Variants in PIP5K1A observed in about 807,000 individuals in gnomAD.
PIP5K1A encodes phosphatidylinositol 4-phosphate 5-kinase type-1 alpha.
A neutral mutation model predicts 72.9 loss-of-function variants in PIP5K1A; 46 were observed. The observed-to-expected ratio is 0.63, with a 90% CI of 0.50 to 0.81. The LOEUF (loss-of-function observed/expected upper bound fraction) is 0.81, where lower values mean the gene tolerates loss of function less well. Among genes scored for constraint, PIP5K1A ranks in the 30% least tolerant of loss-of-function variants. PIP5K1A has a pLI of 0.00. For missense variants in PIP5K1A, 458 were observed against 706.1 expected, an observed-to-expected ratio of 0.65 and a Z score of 3.98; for synonymous variants, 228 against 255.1, an observed-to-expected ratio of 0.89 and a Z score of 1.01.
At chr1:151,239,856 A>T in intron 11 of PIP5K1A, 99 bp from the exon 12 acceptor site, 1 of 805,148 alleles carries the variant, frequency 1.2e-6, no homozygotes, top group Non-Finnish European at 2.1e-6. Flanking sequence ...TGTAGGTTTT[A>T]CCCTTCTGCT....
intron 14 of PIP5K1A, among the ~76,000 whole-genome samples, chr1:151,243,735 ATT>A (rs781196235): frequency 6.6e-6 from 1 of 152,004 alleles, no homozygotes; most frequent in Non-Finnish European, 1.5e-5. Flanking sequence ...AGTGGTCTCT[ATT>A]TTGTACTGTT....
intron 1 of PIP5K1A, among the ~76,000 whole-genome samples, chr1:151,214,352 G>GT (rs1015098468): frequency 1.3e-5 from 2 of 151,632 alleles, no homozygotes; most frequent in Non-Finnish European, 1.5e-5. Flanking sequence ...TTTTTGCTTT[G>GT]TTTTTTTCTG....
chr1:151,208,319 C>T (rs1029102747), intron 1 of PIP5K1A, among the ~76,000 whole-genome samples: 2 of 151,076 alleles, frequency 1.3e-5, no homozygotes, highest in African/African-American at 2.4e-5. Context: ...AGCTAAGAAA[C>T]AAAATTTAGC....
intron 3 of PIP5K1A, among the ~76,000 whole-genome samples, chr1:151,226,011 T>G (rs1319340505): frequency 6.6e-6 from 1 of 151,804 alleles, no homozygotes; most frequent in Non-Finnish European, 1.5e-5. Flanking sequence ...ACTCCTAGGC[T>G]CAAGTGATCT....
At chr1:151,218,831 CAAAAAA>C (rs5777767) in intron 1 of PIP5K1A, among the ~76,000 whole-genome samples, 4 of 70,516 alleles carry the variant, frequency 5.7e-5, no homozygotes, top group Non-Finnish European at 1.1e-4. Context: ...GACTCTGTCT[CAAAAAA>C]AAAAAAAAAA....
At chr1:151,226,543 C>T (rs756756263) in intron 3 of PIP5K1A, among the ~76,000 whole-genome samples, 10 of 151,556 alleles carry the variant, frequency 6.6e-5, no homozygotes, top group South Asian at 4.2e-4. Context: ...GAAACCCCAT[C>T]TCTACTAATA....
chr1:151,225,624 C>T (rs1254080593), intron 3 of PIP5K1A, among the ~76,000 whole-genome samples: 1 of 151,922 alleles, frequency 6.6e-6, no homozygotes, highest in Admixed American at 6.6e-5. Flanking sequence ...TGCACGCCAC[C>T]ATGCCCGCCT....
chr1:151,246,072 C>A (rs921780148), intron 14 of PIP5K1A, among the ~76,000 whole-genome samples: 4 of 152,016 alleles, frequency 2.6e-5, no homozygotes, highest in Non-Finnish European at 5.9e-5. Flanking sequence ...CATGATGAAA[C>A]CCCATCTGTA....
At chr1:151,217,277 G>A (rs1051989133) in intron 1 of PIP5K1A, among the ~76,000 whole-genome samples, 1 of 152,068 alleles carries the variant, frequency 6.6e-6, no homozygotes. Context: ...TTCTGTTTTT[G>A]GTTTTGTTTT....
At chr1:151,236,843 TA>T (rs1226658163) in intron 9 of PIP5K1A, 80 bp downstream of exon 9, 10 of 940,310 alleles carry the variant, frequency 1.1e-5, no homozygotes, top group African/African-American at 7.0e-5. Context: ...TTTTTTTTTT[TA>T]GTTTCACTCT....
At chr1:151,199,171 T>C (rs768016991) in intron 1 of PIP5K1A, 90 bp downstream of exon 1, 80 of 1,594,300 alleles carry the variant, frequency 5.0e-5, no homozygotes, top group Non-Finnish European at 6.4e-5. Context: ...TAGCTGGGAA[T>C]GTCCTACGTG....
At chr1:151,214,077 CAA>C (rs1358545849) in intron 1 of PIP5K1A, among the ~76,000 whole-genome samples, 1 of 151,858 alleles carries the variant, frequency 6.6e-6, no homozygotes, top group Non-Finnish European at 1.5e-5. Context: ...TTTTTCCACT[CAA>C]TATATTGACA....
chr1:151,231,952 G>A (rs979383468), intron 5 of PIP5K1A, 151 bp downstream of exon 5: 4 of 757,576 alleles, frequency 5.3e-6, no homozygotes, highest in Admixed American at 4.4e-5. Flanking sequence ...TAGAGAGTTC[G>A]GAGAGCAGAT....
intron 11 of PIP5K1A, 91 bp downstream of exon 11, chr1:151,239,269 CTTTTTTCTT>C: frequency 5.1e-6 from 4 of 789,430 alleles, no homozygotes; most frequent in Non-Finnish European, 6.1e-6. Context: ...TTTCTTTTTT[CTTTTTTCTT>C]TTTTTTTTTT....
upstream of PIP5K1A, among the ~76,000 whole-genome samples, chr1:151,196,262 G>C (rs1188496828): frequency 6.6e-6 from 1 of 152,064 alleles, no homozygotes; most frequent in Non-Finnish European, 1.5e-5. Flanking sequence ...GGAAAACAAG[G>C]ATAATTTATT....
intron 1 of PIP5K1A, among the ~76,000 whole-genome samples, chr1:151,201,831 C>T (rs587672958): frequency 5.3e-5 from 8 of 152,094 alleles, no homozygotes; most frequent in African/African-American, 1.9e-4. Flanking sequence ...CACTGCACTC[C>T]AGTCTGGGTG....
chr1:151,232,191 A>T, intron 5 of PIP5K1A, 57 bp from the exon 6 acceptor site: 1 of 1,141,268 alleles, frequency 8.8e-7, no homozygotes, highest in Non-Finnish European at 1.3e-6. Flanking sequence ...TTCGCAAGGT[A>T]GATTCTCTGG....
chr1:151,208,170 T>G (rs1157196590), intron 1 of PIP5K1A, among the ~76,000 whole-genome samples: 1 of 152,002 alleles, frequency 6.6e-6, no homozygotes, highest in Non-Finnish European at 1.5e-5. Flanking sequence ...GGCTCATTCT[T>G]TGATATACTG....
At chr1:151,229,185 A>AAAC (rs1322192002) in intron 4 of PIP5K1A, among the ~76,000 whole-genome samples, 2 of 148,446 alleles carry the variant, frequency 1.3e-5, no homozygotes, top group Non-Finnish European at 1.5e-5. Flanking sequence ...AAAAAAAAAA[A>AAAC]AAAAAAAACA....
Sources: allele counts gnomAD v4.1 joint callset (sites outside exome capture counted in the v4.1 genomes callset), GRCh38; gene constraint gnomAD v4.1.1; transcripts MANE v1.5; gene names NCBI Gene and HGNC (gene_info 2026-07-23, HGNC 2026-07-21).